Variants in C1QTNF7 observed in about 807,000 individuals in gnomAD.
C1QTNF7 encodes the protein complement C1q tumor necrosis factor-related protein 7.
A neutral mutation model predicts 19.6 loss-of-function variants in C1QTNF7; 15 were observed. That is an observed-to-expected ratio of 0.76 (90% CI 0.51 to 1.18). The LOEUF (loss-of-function observed/expected upper bound fraction) is 1.18, where lower values mean the gene tolerates loss of function less well. Ranked by LOEUF, C1QTNF7 falls within the 50% of genes most tolerant of loss-of-function variation. C1QTNF7 has a pLI of 0.00. For missense variants in C1QTNF7, 324 were observed against 359.7 expected (o/e 0.90, Z 0.80); for synonymous variants, 142 against 137.5 (o/e 1.03, Z -0.23).
chr4:15,389,507 T>C (rs577982955), intron 1 of C1QTNF7, among the ~76,000 whole-genome samples: 9 of 152,134 alleles, frequency 5.9e-5, no homozygotes, highest in African/African-American at 2.2e-4. Flanking sequence ...TCAACCTCCG[T>C]CTCCCAGGTT....
At chr4:15,384,645 A>T (rs968694184) in intron 1 of C1QTNF7, among the ~76,000 whole-genome samples, 1 of 152,224 alleles carries the variant, frequency 6.6e-6, no homozygotes, top group Non-Finnish European at 1.5e-5. Flanking sequence ...TCAAGACATG[A>T]CAAATGAAAG....
intron 1 of C1QTNF7, chr4:15,340,351 G>A (rs1022550635): frequency 4.5e-6 from 5 of 1,109,898 alleles, no homozygotes; most frequent in Non-Finnish European, 6.5e-6. Flanking sequence ...ATAAATCAGA[G>A]GTTAGAAAAC....
At chr4:15,409,358 GC>G (rs1214172143) in intron 1 of C1QTNF7, among the ~76,000 whole-genome samples, 4 of 152,096 alleles carry the variant, frequency 2.6e-5, no homozygotes, top group Non-Finnish European at 5.9e-5. Context: ...GATTTTCAAG[GC>G]CTCCAAGACT....
At chr4:15,414,599 A>G (rs1719522259) in intron 1 of C1QTNF7, among the ~76,000 whole-genome samples, 1 of 151,282 alleles carries the variant, frequency 6.6e-6, no homozygotes, top group Non-Finnish European at 1.5e-5. Context: ...CAGTTCCCCA[A>G]CCTGACTAGA....
intron 1 of C1QTNF7, among the ~76,000 whole-genome samples, chr4:15,408,983 G>A (rs1719304150): frequency 6.6e-6 from 1 of 152,102 alleles, no homozygotes; most frequent in South Asian, 2.1e-4. Flanking sequence ...TCTTGGTAGG[G>A]CATCCTGAGC....
intron 1 of C1QTNF7, among the ~76,000 whole-genome samples, chr4:15,409,264 C>G (rs1180247606): frequency 6.6e-6 from 1 of 152,222 alleles, no homozygotes; most frequent in Non-Finnish European, 1.5e-5. Flanking sequence ...TTTTATTCAA[C>G]TGGACATCAC....
chr4:15,384,114 A>G (rs924357103), intron 1 of C1QTNF7, among the ~76,000 whole-genome samples: 1 of 152,210 alleles, frequency 6.6e-6, no homozygotes, highest in African/African-American at 2.4e-5. Flanking sequence ...TAGGAATTTG[A>G]ATAAATTGGG....
At position 15,344,713 on chromosome 4, in the gene C1QTNF7, A is replaced by G. The variant is rs981411339; in HGVS notation, c.13+4506A>G. ...CATATCAAGCAGGCATATTTCCAAA[A>G]GAACATCAGGGTCTACAAAATTTTA... is the stretch of plus-strand genomic sequence containing the variant. On this transcript the variant is annotated intron_variant, in intron 1 of 2. Coordinates refer to the C1QTNF7 transcript ENST00000295297. Among the ~76,000 whole-genome samples the G allele has an allele frequency of 8.5e-5, 13 of 152,376 alleles. No individual in the cohort carries two copies. In the Middle Eastern group the frequency reaches 0.01, roughly 120 times the overall value.
At chr4:15,433,994 TA>T (rs1372298665) in intron 1 of C1QTNF7, among the ~76,000 whole-genome samples, 1 of 152,220 alleles carries the variant, frequency 6.6e-6, no homozygotes, top group Non-Finnish European at 1.5e-5. Context: ...TCTTTCCATA[TA>T]TTTTTTTTTC....
At chr4:15,372,057 T>C (rs991747704) in intron 1 of C1QTNF7, among the ~76,000 whole-genome samples, 1 of 152,196 alleles carries the variant, frequency 6.6e-6, no homozygotes, top group Non-Finnish European at 1.5e-5. Flanking sequence ...TTACTAGCTT[T>C]GTGACCTTAG....
chr4:15,350,121 A>G (rs1474908636), intron 1 of C1QTNF7, among the ~76,000 whole-genome samples: 2 of 97,240 alleles, frequency 2.1e-5, no homozygotes, highest in African/African-American at 8.4e-5. Flanking sequence ...CAGGCAGGCA[A>G]GCAGGAAAGA....
chr4:15,377,565 T>TTTGAAGCAACCA (rs1717985767), intron 1 of C1QTNF7, among the ~76,000 whole-genome samples: 4 of 152,216 alleles, frequency 2.6e-5, no homozygotes, highest in African/African-American at 9.6e-5. Context: ...TTGAATATAA[T>TTTGAAGCAACCA]ATCTTCAAGT....
chr4:15,379,828 A>G (rs1311115663), intron 1 of C1QTNF7, among the ~76,000 whole-genome samples: 1 of 152,190 alleles, frequency 6.6e-6, no homozygotes, highest in Non-Finnish European at 1.5e-5. Context: ...AAAGAGACAA[A>G]ATGATTCCTC....
In C1QTNF7 at chr4:15,442,932, A is replaced by G. The variant is rs1409852507; in HGVS notation, c.*133A>G. 2.1e-6 allele frequency: 2 copies of G among 957,394 alleles called. No homozygotes were observed. The highest frequency in any genetic ancestry group is 3.0e-6 in the Non-Finnish European group (2 of 674,730). The allele number at this position is 957,394 out of a possible 1,614,324, so 59.3% of individuals were successfully genotyped here. A position where few individuals can be genotyped will look rare whatever the true frequency, so the allele number is the denominator to read the frequency against. ...TTTAAAGACAATTCTAGCAGAATTT[A>G]TCAAAACAAGATGAAACACAGAAAA... On this transcript the variant is annotated 3_prime_UTR_variant, in exon 3 of 3. Transcript: ENST00000444304.
At chr4:15,394,862 AG>A (rs942541062) in intron 1 of C1QTNF7, among the ~76,000 whole-genome samples, 28 of 152,078 alleles carry the variant, frequency 1.8e-4, no homozygotes, top group African/African-American at 6.8e-4. Flanking sequence ...TCGGCACCCA[AG>A]GGGATTCTCA....
chr4:15,439,480 C>G (rs564459146), intron 2 of C1QTNF7, among the ~76,000 whole-genome samples: 6 of 152,320 alleles, frequency 3.9e-5, no homozygotes, highest in African/African-American at 1.4e-4. Flanking sequence ...ATTCACCTAA[C>G]TAATCCATGG....
intron 1 of C1QTNF7, among the ~76,000 whole-genome samples, chr4:15,389,233 C>T (rs756144053): frequency 3.3e-5 from 5 of 151,948 alleles, no homozygotes; most frequent in Admixed American, 1.3e-4. Context: ...TGAACAGTGA[C>T]CAGGGGAGTT....
rs527498939 is a variant in C1QTNF7, at chr4:15,370,065, T to A, written c.13+29858T>A. On this transcript the variant is annotated intron_variant, in intron 1 of 2. Coordinates refer to the C1QTNF7 transcript ENST00000295297. ...GGTAAAAACTGAAGAAGGTCTGTAG[T>A]CTGCCTAATACTATTGTACTCATGT... 2.6e-5 allele frequency among the ~76,000 whole-genome samples: 4 copies of A among 152,310 alleles called. No homozygotes were observed. In the East Asian group the frequency reaches 7.7e-4, roughly 29 times the overall value.
At chr4:15,392,606 C>G (rs1237365546) in intron 1 of C1QTNF7, among the ~76,000 whole-genome samples, 2 of 152,222 alleles carry the variant, frequency 1.3e-5, no homozygotes, top group African/African-American at 4.8e-5. Context: ...CCTCACTTCT[C>G]TTTGCGTGGA....
Sources: gnomAD v4.1 joint callset for allele counts (sites outside exome capture counted in the v4.1 genomes callset) on GRCh38, gnomAD v4.1.1 for gene constraint, MANE v1.5 for transcripts, NCBI Gene and HGNC (gene_info 2026-07-23, HGNC 2026-07-21) for gene names.